The following EML1 variants were observed in gnomAD, a reference collection of about 807,000 sequenced individuals.
The protein encoded by EML1 is echinoderm microtubule-associated protein-like 1.
Under a neutral mutation model 110.4 loss-of-function variants are expected in EML1, and 27 were observed. That is an observed-to-expected ratio of 0.24 (90% confidence interval 0.18 to 0.34). The LOEUF (loss-of-function observed/expected upper bound fraction) is 0.34. EML1 is among the 10% of genes least tolerant of loss of function. The pLI, the probability that EML1 is intolerant of heterozygous loss-of-function variation, is 1.00. For missense variants in EML1, 741 were observed against 1,030.9 expected, an observed-to-expected ratio of 0.72 and a Z score of 3.85; for synonymous variants, 344 against 385.8, an observed-to-expected ratio of 0.89 and a Z score of 1.27.
intron 1 of EML1, among the ~76,000 whole-genome samples, chr14:99,746,972 G>A (rs9324014): frequency 0.52 from 78,893 of 151,752 alleles, 23,224 homozygotes; most frequent in Middle Eastern, 0.68. Context: ...GCTTGCCTCC[G>A]CTCTATCGGG....
chr14:99,808,963 G>A lies in EML1; in HGVS notation c.67+15420G>A, dbSNP rs191921938. ...AATCAGGGAAGCTGATGGGTGCTGAGTAACTTAGCCAAGGCCAAATAGTTC... is the reference window on the plus strand; with the variant it reads ...AATCAGGGAAGCTGATGGGTGCTGAATAACTTAGCCAAGGCCAAATAGTTC... On this transcript the variant is annotated intron_variant, in intron 1 of 21. Coordinates refer to ENST00000262233, the MANE Select transcript of EML1 (RefSeq NM_004434.3). Among the ~76,000 whole-genome samples, 638 of 152,252 alleles carry A rather than the reference G, an allele frequency of 4.2e-3. 8 individuals are homozygous for A. Among genetic ancestry groups the A allele is most frequent in the African/African-American group, 0.015 (607 of 41,548 alleles).
chr14:99,762,134 T>C (rs74083917), intron 1 of EML1, among the ~76,000 whole-genome samples: 9,777 of 152,136 alleles, frequency 0.064, 530 homozygotes, highest in African/African-American at 0.16. Context: ...ATTTGCACAA[T>C]GAGCCCTGTT....
chr14:99,741,617 T>A (rs2057043017), intron 1 of EML1, among the ~76,000 whole-genome samples: 1 of 78,784 alleles, frequency 1.3e-5, no homozygotes, highest in Admixed American at 1.7e-4. Context: ...GCACCCCAGC[T>A]TTTTGCGCCC....
At chr14:99,805,624 G>A (rs1161804255) in intron 1 of EML1, among the ~76,000 whole-genome samples, 2 of 152,006 alleles carry the variant, frequency 1.3e-5, no homozygotes, top group African/African-American at 2.4e-5. Context: ...ATAGGCACAT[G>A]CCACCGTGCC....
intron 5 of EML1, chr14:99,892,259 C>CT: frequency 1.1e-6 from 1 of 941,114 alleles, no homozygotes; most frequent in South Asian, 4.9e-5. Context: ...CTACAGAAAC[C>CT]TTTTTCATAC....
intron 1 of EML1, among the ~76,000 whole-genome samples, chr14:99,779,352 A>G (rs1176370230): frequency 6.6e-6 from 1 of 152,208 alleles, no homozygotes; most frequent in Non-Finnish European, 1.5e-5. Context: ...TATAAATAGC[A>G]TTCTTATTTT....
At chr14:99,915,761 G>A (rs779587400) in intron 15 of EML1, among the ~76,000 whole-genome samples, 17 of 152,116 alleles carry the variant, frequency 1.1e-4, no homozygotes, top group Non-Finnish European at 2.5e-4. Flanking sequence ...GCAGCGAATC[G>A]GAAGCTCATT....
upstream of EML1, chr14:99,793,305 G>C (rs2057703023): frequency 2.0e-6 from 2 of 979,288 alleles, no homozygotes; most frequent in Non-Finnish European, 1.2e-6. Context: ...GGGCTCGCGC[G>C]GCTGCGGCGG....
intron 17 of EML1, among the ~76,000 whole-genome samples, chr14:99,933,007 A>T (rs374058186): frequency 2.0e-5 from 3 of 151,952 alleles, no homozygotes; most frequent in African/African-American, 7.3e-5. Flanking sequence ...AGTCCCAGCT[A>T]CTCGGGAGAC....
At chr14:99,770,229 G>C (rs1033519823), upstream of EML1, among the ~76,000 whole-genome samples, 4 of 152,254 alleles carry the variant, frequency 2.6e-5, no homozygotes, top group Admixed American at 2.6e-4. Flanking sequence ...CTGGAGGCTG[G>C]GAAGTCCAAG....
chr14:99,839,412 C>A (rs1490644317), intron 1 of EML1, among the ~76,000 whole-genome samples: 1 of 152,140 alleles, frequency 6.6e-6, no homozygotes. Flanking sequence ...TTGGGAAGAT[C>A]GCATTGCCCG....
intron 1 of EML1, among the ~76,000 whole-genome samples, chr14:99,747,918 G>C (rs1483816200): frequency 6.6e-6 from 1 of 152,168 alleles, no homozygotes; most frequent in Non-Finnish European, 1.5e-5. Context: ...TTTCCATCTT[G>C]AAACACTGAG....
At chr14:99,811,024 C>G (rs777096058) in intron 1 of EML1, among the ~76,000 whole-genome samples, 66 of 152,132 alleles carry the variant, frequency 4.3e-4, no homozygotes, top group Non-Finnish European at 8.1e-4. Context: ...TTTCCTACAT[C>G]CAGATATGTC....
At chr14:99,867,158 A>G (rs1478246969) in intron 3 of EML1, among the ~76,000 whole-genome samples, 1 of 152,136 alleles carries the variant, frequency 6.6e-6, no homozygotes, top group Non-Finnish European at 1.5e-5. Flanking sequence ...TTCATCCATC[A>G]GTGGCTATTC....
upstream of EML1, among the ~76,000 whole-genome samples, chr14:99,768,356 C>T (rs546384442): frequency 3.3e-5 from 5 of 152,210 alleles, no homozygotes; most frequent in South Asian, 2.1e-4. Flanking sequence ...CTCACGGAGC[C>T]GCTGTCTGAG....
chr14:99,802,870 C>A, intron 1 of EML1, among the ~76,000 whole-genome samples: 1 of 152,086 alleles, frequency 6.6e-6, no homozygotes, highest in East Asian at 1.9e-4. Context: ...GTGCCTCCTG[C>A]AAGACAGATC....
rs1055272967 is a variant in EML1, at chr14:99,751,642, C to T, written c.28+13782C>T. Among the ~76,000 whole-genome samples, 3 of 152,042 alleles carry T rather than the reference C, an allele frequency of 2.0e-5. No individual in the cohort carries two copies. The South Asian group carries it at 6.2e-4, about 32-fold the overall frequency. ...AGAGGCCTGGATACTCGAGAAGGAC[C>T]TCAGGGATGTGAAAGACCGGGCCAT... On this transcript the variant is annotated intron_variant, in intron 1 of 10. Transcript: ENST00000554479.
chr14:99,893,020 T>A (rs1340125761), intron 5 of EML1, among the ~76,000 whole-genome samples: 2 of 152,054 alleles, frequency 1.3e-5, no homozygotes, highest in East Asian at 3.9e-4. Context: ...CTGATGAGCT[T>A]ATATTTGGGT....
chr14:99,778,981 A>G (rs11160548), intron 1 of EML1, among the ~76,000 whole-genome samples: 58,117 of 152,148 alleles, frequency 0.38, 13,484 homozygotes, highest in South Asian at 0.55. Context: ...GTGGGTATAA[A>G]TAACATTTGG....
Sources: gnomAD v4.1 joint callset for allele counts (sites outside exome capture counted in the v4.1 genomes callset) on GRCh38, gnomAD v4.1.1 for gene constraint, MANE v1.5 for transcripts, NCBI Gene and HGNC (gene_info 2026-07-23, HGNC 2026-07-21) for gene names.